The following RORA variants were observed in gnomAD, a reference collection of about 807,000 sequenced individuals.
RORA encodes nuclear receptor ROR-alpha.
RORA carries 7 observed loss-of-function variants against 69.5 expected under a neutral mutation model. The ratio of observed to expected loss-of-function variants is 0.10; its 90% confidence interval spans 0.06 to 0.19. The LOEUF (loss-of-function observed/expected upper bound fraction) is 0.19. RORA is among the 10% of genes least tolerant of loss of function. The pLI is 1.00. For missense variants in RORA, 457 were observed against 663.0 expected, an observed-to-expected ratio of 0.69 and a Z score of 3.41; for synonymous variants, 261 against 240.8, an observed-to-expected ratio of 1.08 and a Z score of -0.78.
chr15:61,108,090 C>G, intron 1 of RORA, among the ~76,000 whole-genome samples: 1 of 152,190 alleles, frequency 6.6e-6, no homozygotes, highest in East Asian at 1.9e-4. Flanking sequence ...TCCTTCAGGG[C>G]CCAATACAAA....
At chr15:61,129,428 GT>G (rs2079170164) in intron 1 of RORA, among the ~76,000 whole-genome samples, 1 of 152,044 alleles carries the variant, frequency 6.6e-6, no homozygotes, top group Admixed American at 6.6e-5. Context: ...TAGATTAGTG[GT>G]TTCCAGGGAC....
chr15:61,060,167 C>T (rs2078162619), intron 1 of RORA, among the ~76,000 whole-genome samples: 1 of 152,150 alleles, frequency 6.6e-6, no homozygotes, highest in African/African-American at 2.4e-5. Context: ...CTCAGTCAAA[C>T]CCAGGAAATG....
intron 1 of RORA, among the ~76,000 whole-genome samples, chr15:60,798,950 T>TAA (rs1567195293): frequency 0.01 from 1,565 of 151,170 alleles, 27 homozygotes; most frequent in African/African-American, 0.037. Flanking sequence ...TTTTTTTTTT[T>TAA]TAAACTCAAG....
intron 1 of RORA, among the ~76,000 whole-genome samples, chr15:61,106,839 A>G (rs141740165): frequency 6.6e-6 from 1 of 152,354 alleles, no homozygotes; most frequent in Non-Finnish European, 1.5e-5. Flanking sequence ...TTTGAATTAA[A>G]GTAGGTCTTC....
chr15:60,577,054 C>A (rs571089188), intron 2 of RORA, among the ~76,000 whole-genome samples: 6 of 152,052 alleles, frequency 3.9e-5, no homozygotes, highest in Admixed American at 2.6e-4. Flanking sequence ...ATAAAAAAAA[C>A]AAAAACAAAA....
intron 1 of RORA, among the ~76,000 whole-genome samples, chr15:61,106,609 C>T (rs2078951173): frequency 6.6e-6 from 1 of 152,136 alleles, no homozygotes; most frequent in African/African-American, 2.4e-5. Flanking sequence ...GCTCCCCCTC[C>T]TCCCATCTAT....
chr15:61,106,970 T>A (rs1476840112), intron 1 of RORA, among the ~76,000 whole-genome samples: 4 of 152,172 alleles, frequency 2.6e-5, no homozygotes, highest in Admixed American at 2.6e-4. Flanking sequence ...TAGAAGAAGG[T>A]ACTGAGTCTT....
intron 1 of RORA, among the ~76,000 whole-genome samples, chr15:60,762,207 C>T (rs2071904686): frequency 6.6e-6 from 1 of 152,142 alleles, no homozygotes; most frequent in Non-Finnish European, 1.5e-5. Flanking sequence ...AATGGAATTT[C>T]TAGGTGAGTC....
intron 1 of RORA, among the ~76,000 whole-genome samples, chr15:61,073,606 G>C (rs1209357007): frequency 3.3e-5 from 5 of 152,168 alleles, no homozygotes; most frequent in Non-Finnish European, 2.9e-5. Flanking sequence ...GTGCAGAGTT[G>C]AGAAAACCTC....
chr15:61,123,139 G>A (rs2079117357), intron 1 of RORA, among the ~76,000 whole-genome samples: 2 of 152,066 alleles, frequency 1.3e-5, no homozygotes, highest in Non-Finnish European at 2.9e-5. Context: ...GGTTTTAATC[G>A]ACTCATGATG....
At chr15:60,991,374 G>C (rs1894371318) in intron 1 of RORA, among the ~76,000 whole-genome samples, 1 of 152,170 alleles carries the variant, frequency 6.6e-6, no homozygotes, top group Non-Finnish European at 1.5e-5. Flanking sequence ...TCAAATGTGG[G>C]TTTTCAAGGA....
At chr15:61,081,046 G>T (rs969848134) in intron 1 of RORA, among the ~76,000 whole-genome samples, 1 of 152,218 alleles carries the variant, frequency 6.6e-6, no homozygotes, top group African/African-American at 2.4e-5. Context: ...AAGTCACAGG[G>T]CCGACGAATT....
intron 2 of RORA, among the ~76,000 whole-genome samples, chr15:60,676,118 A>C (rs2070549508): frequency 6.6e-6 from 1 of 152,256 alleles, no homozygotes; most frequent in Non-Finnish European, 1.5e-5. Context: ...ATCTTAAAAA[A>C]AAACGTATAG....
intron 1 of RORA, among the ~76,000 whole-genome samples, chr15:61,133,426 G>A (rs1051256452): frequency 3.9e-5 from 6 of 152,050 alleles, no homozygotes; most frequent in Non-Finnish European, 7.4e-5. Flanking sequence ...ACCACCTTAT[G>A]AAAACAAAAC....
intron 1 of RORA, among the ~76,000 whole-genome samples, chr15:60,933,177 T>G (rs745944981): frequency 2.0e-5 from 3 of 152,188 alleles, no homozygotes; most frequent in Non-Finnish European, 4.4e-5. Context: ...ATGATGATCA[T>G]ACTAATCTTC....
chr15:60,545,353 A>G (rs1480014790), intron 2 of RORA, among the ~76,000 whole-genome samples: 4 of 152,196 alleles, frequency 2.6e-5, no homozygotes, highest in Non-Finnish European at 5.9e-5. Context: ...TTATTCATTT[A>G]AAATACCCTT....
intron 1 of RORA, among the ~76,000 whole-genome samples, chr15:60,894,361 A>T (rs965192650): frequency 1.3e-5 from 2 of 152,200 alleles, no homozygotes; most frequent in Non-Finnish European, 2.9e-5. Context: ...CTCCCGCCAC[A>T]CCCTAACGAC....
chr15:60,783,629 T>C (rs935282283), intron 1 of RORA, among the ~76,000 whole-genome samples: 1 of 152,242 alleles, frequency 6.6e-6, no homozygotes, highest in African/African-American at 2.4e-5. Context: ...GTCTCTGGTC[T>C]AAGTCAGGTC....
At chr15:60,588,733 A>G (rs961064696) in intron 2 of RORA, among the ~76,000 whole-genome samples, 9 of 152,230 alleles carry the variant, frequency 5.9e-5, no homozygotes, top group African/African-American at 2.2e-4. Flanking sequence ...GACATACTGT[A>G]TATTTCTAAA....
Sources: gnomAD v4.1 joint callset for allele counts (sites outside exome capture counted in the v4.1 genomes callset) on GRCh38, gnomAD v4.1.1 for gene constraint, MANE v1.5 for transcripts, NCBI Gene and HGNC (gene_info 2026-07-23, HGNC 2026-07-21) for gene names.